Variants in TEX2 observed in about 807,000 individuals in gnomAD.
TEX2 encodes testis expressed 2.
TEX2 carries 53 observed loss-of-function variants against 106.9 expected under a neutral mutation model. The observed-to-expected ratio is 0.50, with a 90% CI of 0.40 to 0.62. The LOEUF (loss-of-function observed/expected upper bound fraction) is 0.62. Among genes scored for constraint, TEX2 ranks in the 20% least tolerant of loss-of-function variants. The pLI, the probability that TEX2 is intolerant of heterozygous loss-of-function variation, is 0.00. For synonymous variants in TEX2, 523 were observed against 534.8 expected, an observed-to-expected ratio of 0.98 and a Z score of 0.30; for missense variants, 1,207 against 1,379.0, an observed-to-expected ratio of 0.88 and a Z score of 1.98.
chr17:64,248,133 A>T (rs2034024926), intron 1 of TEX2, among the ~76,000 whole-genome samples: 1 of 152,226 alleles, frequency 6.6e-6, no homozygotes, highest in African/African-American at 2.4e-5. Flanking sequence ...TTTCTAGACA[A>T]TAAATAACCA....
rs755465977 is a variant in TEX2, at chr17:64,153,409, C to T, written c.2931-255G>A. 8.5e-5 allele frequency among the ~76,000 whole-genome samples: 13 copies of T among 152,188 alleles called. No homozygotes were observed. The highest frequency in any genetic ancestry group is 1.5e-4 in the Non-Finnish European group (10 of 68,048). On this transcript the variant is annotated intron_variant, in intron 9 of 11. Transcript: ENST00000584379. This position sits in a 1 kb window ranked among gnomAD's most constrained non-coding sequence, Gnocchi z 4.1. ...GTTGCCAGACATCGGCAAATGTCCT[C>T]TGGGGGGCCAAATCACCCCCAGTTG...
At chr17:64,257,495 C>A (rs1025233983) in intron 1 of TEX2, among the ~76,000 whole-genome samples, 1 of 152,170 alleles carries the variant, frequency 6.6e-6, no homozygotes, top group Admixed American at 6.6e-5. Flanking sequence ...CAGAAATAAA[C>A]AATTCGCAAG....
Position 64,177,430 on chromosome 17 carries a change from G to T in TEX2, c.2466C>A (p.Ala822=), listed in dbSNP as rs763800347. Residue 822 remains alanine, a synonymous_variant, in exon 6 of 12, where the codon GCC becomes GCA. Coordinates refer to ENST00000584379, the MANE Select transcript of TEX2 (RefSeq NM_001288732.2). Reference sequence around the variant, plus strand: ...TTCTTCCAAGCAAGGCATTCACCCAGGCTTCCTGTTCTTCCTCCTCAGAGG... The same window carrying T: ...TTCTTCCAAGCAAGGCATTCACCCATGCTTCCTGTTCTTCCTCCTCAGAGG... ...VPPSEEEEQE[A]WVNALLGRIF... 3 of 1,614,150 alleles carry T rather than the reference G, an allele frequency of 1.9e-6. No homozygotes were observed. In the East Asian group the frequency reaches 6.7e-5, roughly 36 times the overall value.
At chr17:64,250,379 G>C (rs1197036205) in intron 1 of TEX2, among the ~76,000 whole-genome samples, 1 of 152,212 alleles carries the variant, frequency 6.6e-6, no homozygotes, top group African/African-American at 2.4e-5. Context: ...CAAGAGTTCT[G>C]TGCTTACTTC....
Position 64,195,214 on chromosome 17 carries a change from T to G in TEX2, c.1645-119A>C. 1 of 877,674 alleles carries G rather than the reference T, an allele frequency of 1.1e-6. No homozygotes were observed. The highest frequency in any genetic ancestry group is 1.8e-6 in the Non-Finnish European group (1 of 553,348). The allele number at this position is 877,674 out of a possible 1,614,324, so 54.4% of individuals were successfully genotyped here. A position where few individuals can be genotyped will look rare whatever the true frequency, so the allele number is the denominator to read the frequency against. Reference sequence around the variant, plus strand: ...ACCAAACTTGATCACGACACAGATATCAGCTCACCAATGACTACAGGTTGC... The same window carrying G: ...ACCAAACTTGATCACGACACAGATAGCAGCTCACCAATGACTACAGGTTGC... On this transcript the variant is annotated intron_variant, in intron 2 of 11. Transcript: ENST00000584379. The surrounding 1 kb of genome is among the most constrained non-coding windows in gnomAD (Gnocchi z 4.1).
chr17:64,242,891 C>G (rs1163098709), intron 1 of TEX2, among the ~76,000 whole-genome samples: 2 of 151,828 alleles, frequency 1.3e-5, no homozygotes, highest in African/African-American at 4.8e-5. Context: ...TTGAGACTAG[C>G]CTGGGCAACA....
At chr17:64,189,493 A>T (rs1050762216) in intron 4 of TEX2, among the ~76,000 whole-genome samples, 2 of 152,222 alleles carry the variant, frequency 1.3e-5, no homozygotes, top group East Asian at 3.8e-4. Context: ...TGAAGTTCTA[A>T]GCATAGTACG....
chr17:64,244,404 G>A (rs2033949545), intron 1 of TEX2, among the ~76,000 whole-genome samples: 1 of 152,130 alleles, frequency 6.6e-6, no homozygotes, highest in African/African-American at 2.4e-5. Context: ...TCTTGAATTT[G>A]CCTCGCACTC....
intron 2 of TEX2, among the ~76,000 whole-genome samples, chr17:64,209,491 T>A (rs2032933193): frequency 6.6e-6 from 1 of 152,218 alleles, no homozygotes; most frequent in Admixed American, 6.5e-5. Flanking sequence ...ACCAAAGTGA[T>A]CAGAGTTGTC....
rs936356266 is a variant in TEX2 at position 64,153,765 on chromosome 17, C to T, written c.2931-611G>A. On this transcript the variant is annotated intron_variant, in intron 9 of 11. Coordinates refer to ENST00000584379, the MANE Select transcript of TEX2 (RefSeq NM_001288732.2). This position sits in a 1 kb window ranked among gnomAD's most constrained non-coding sequence, Gnocchi z 4.1. ...CAACACAGTGAGACCCCCATCTCTACAAAAAACAAACAGAAAATTAGCCAG... is the reference window on the plus strand; with the variant it reads ...CAACACAGTGAGACCCCCATCTCTATAAAAAACAAACAGAAAATTAGCCAG... Among the ~76,000 whole-genome samples, 3 of 152,068 alleles carry T rather than the reference C, an allele frequency of 2.0e-5. No individual in the cohort carries two copies. The highest frequency in any genetic ancestry group is 2.9e-5 in the Non-Finnish European group (2 of 67,998).
chr17:64,246,984 C>T (rs782013222), intron 1 of TEX2, among the ~76,000 whole-genome samples: 37 of 152,076 alleles, frequency 2.4e-4, no homozygotes, highest in Admixed American at 1.2e-3. Context: ...ATAAAGAAGG[C>T]GGCAGCTGGG....
At chr17:64,226,856 A>C (rs1220893931) in intron 1 of TEX2, among the ~76,000 whole-genome samples, 8 of 152,126 alleles carry the variant, frequency 5.3e-5, no homozygotes, top group African/African-American at 1.7e-4. Flanking sequence ...AAAGTAGTAT[A>C]AAAAATAATA....
chr17:64,213,795 C>T lies in TEX2; in HGVS notation c.423G>A (p.Ser141=), dbSNP rs782301531. 1.7e-5 allele frequency: 28 copies of T among 1,614,150 alleles called. No homozygotes were observed. The highest frequency in any genetic ancestry group is 2.3e-5 in the Non-Finnish European group (27 of 1,180,026). The change falls in exon 2 of 12, where the codon TCG becomes TCA. Residue 141 remains serine (S), a synonymous_variant. Coordinates refer to ENST00000584379, the MANE Select transcript of TEX2 (RefSeq NM_001288732.2). The surrounding 1 kb of genome is among the most constrained non-coding windows in gnomAD (Gnocchi z 4.4). ...CACTGGGAGAGCTAGCTAAGGGCCC[C>T]GACGAAGACGACCCTGGGGACACAG... ...PLAVSPGSSS[S]GPLASSPSVS...
At chr17:64,199,596 T>TTGTAAA (rs2032592742) in intron 2 of TEX2, among the ~76,000 whole-genome samples, 3 of 152,236 alleles carry the variant, frequency 2.0e-5, no homozygotes, top group Non-Finnish European at 4.4e-5. Context: ...GCAGGTAAAA[T>TTGTAAA]TAATTTAAAC....
At chr17:64,250,455 A>G (rs958732388) in intron 1 of TEX2, among the ~76,000 whole-genome samples, 9 of 152,164 alleles carry the variant, frequency 5.9e-5, no homozygotes, top group African/African-American at 2.2e-4. Context: ...CATTAAGTCC[A>G]ACACACACAC....
chr17:64,245,292 A>G (rs889775046), intron 1 of TEX2, among the ~76,000 whole-genome samples: 1 of 152,250 alleles, frequency 6.6e-6, no homozygotes, highest in South Asian at 2.1e-4. Context: ...TAGAAAATAT[A>G]CCATTGTGAA....
intron 7 of TEX2, 113 bp from the exon 8 acceptor site, chr17:64,161,046 C>G: frequency 1.8e-6 from 2 of 1,135,086 alleles, no homozygotes. Flanking sequence ...GTCCATGTAT[C>G]GTCTACTACT....
intron 8 of TEX2, among the ~76,000 whole-genome samples, chr17:64,159,574 G>T (rs2030790766): frequency 6.6e-6 from 1 of 152,128 alleles, no homozygotes. Flanking sequence ...AGAACGTGAT[G>T]CCTTTATGTC....
Position 64,193,690 on chromosome 17 carries a change from T to C in TEX2, c.2045A>G (p.Gln682Arg). 1 of 1,606,552 alleles carries C rather than the reference T, an allele frequency of 6.2e-7. No individual in the cohort carries two copies. Among genetic ancestry groups the C allele is most frequent in the Non-Finnish European group, 8.5e-7 (1 of 1,177,132 alleles). ...PRPQEGTRSSQRDQILYLFGR... is the reference protein window; with the variant it reads ...PRPQEGTRSSRRDQILYLFGR... ...AAAGAGATAGAGTATCTGATCTCGC[T>C]GGCTAGATCTTGTTCCCTCCTGAGG... is the stretch of plus-strand genomic sequence containing the variant. Residue 682 changes from glutamine (Q) to arginine (R), a missense_variant, in exon 4 of 12, where the codon CAG (glutamine) becomes CGG (arginine). Physicochemically the swap from Gln to Arg is conservative, Grantham distance 43 (BLOSUM62 1). This residue lies in a region of TEX2 where 1,067 missense variants were observed against 1,193.6 expected (regional missense o/e 0.89). Coordinates refer to ENST00000584379, the MANE Select transcript of TEX2 (RefSeq NM_001288732.2).
Sources: allele counts gnomAD v4.1 joint callset (sites outside exome capture counted in the v4.1 genomes callset), GRCh38; gene constraint gnomAD v4.1.1; regional missense constraint gnomAD v4.1.1; non-coding constraint Gnocchi (gnomAD v3.1); transcripts MANE v1.5; gene names NCBI Gene and HGNC (gene_info 2026-07-23, HGNC 2026-07-21).